CACNA1E: variants seen among roughly 807,000 people sequenced by gnomAD.
CACNA1E encodes calcium voltage-gated channel subunit alpha1 E, also known as voltage-dependent R-type calcium channel subunit alpha-1E.
A neutral mutation model predicts 259.2 loss-of-function variants in CACNA1E; 40 were observed. The ratio of observed to expected loss-of-function variants is 0.15; its 90% CI spans 0.12 to 0.20. The LOEUF is 0.20. CACNA1E is among the 10% of genes least tolerant of loss of function. The pLI, the probability that CACNA1E is intolerant of heterozygous loss-of-function variation, is 1.00. For synonymous variants in CACNA1E, 1,104 were observed against 1,138.5 expected, an observed-to-expected ratio of 0.97 and a Z score of 0.61; for missense variants, 1,874 against 3,040.1, an observed-to-expected ratio of 0.62 and a Z score of 9.02.
chr1:181,607,341 G>T (rs1380964073), intron 6 of CACNA1E, among the ~76,000 whole-genome samples: 1 of 152,196 alleles, frequency 6.6e-6, no homozygotes, highest in Non-Finnish European at 1.5e-5. Flanking sequence ...ACCAAATAAA[G>T]ATTGTTGCTT....
intron 6 of CACNA1E, among the ~76,000 whole-genome samples, chr1:181,609,025 A>C (rs1285492531): frequency 6.6e-6 from 1 of 152,204 alleles, no homozygotes; most frequent in African/African-American, 2.4e-5. Context: ...CTGGGCCCCC[A>C]GTATCCACAA....
chr1:181,620,726 A>G (rs905954803), intron 6 of CACNA1E, among the ~76,000 whole-genome samples: 15 of 152,250 alleles, frequency 9.9e-5, no homozygotes, highest in African/African-American at 3.6e-4. Context: ...GGTGCCAGAC[A>G]ACAGAGGCAT....
Position 181,726,058 on chromosome 1 carries a change from T to C in CACNA1E, c.2143-7T>C, listed in dbSNP as rs777911483. 6.2e-7 allele frequency: 1 copy of C among 1,606,574 alleles called. No homozygotes were observed. The highest frequency in any genetic ancestry group is 1.1e-5 in the South Asian group (1 of 89,890). ...CCCAGGCAAAGCCATCTCTGCTTTG[T>C]GTCTAGGATGAACAGGAGGAAGAAG... On this transcript the variant is annotated splice_polypyrimidine_tract_variant and splice_region_variant and intron_variant, in intron 17 of 47. Coordinates refer to ENST00000367573, the MANE Select transcript of CACNA1E (RefSeq NM_001205293.3).
chr1:181,628,534 C>T (rs776413810), intron 6 of CACNA1E, among the ~76,000 whole-genome samples: 3 of 152,102 alleles, frequency 2.0e-5, no homozygotes, highest in Non-Finnish European at 4.4e-5. Flanking sequence ...GTGTTGATGT[C>T]AAGATTAACT....
At position 181,473,541 on chromosome 1, in the gene CACNA1E, G is replaced by A. The variant is rs755117500; in HGVS notation, c.435-10203G>A. On this transcript the variant is annotated intron_variant, in intron 2 of 11. Coordinates refer to the CACNA1E transcript ENST00000524607. ...ACATTTGGTTTATCAGTAGCCCCAT[G>A]CGATTCAGAGGGCAGGTACTACTTT... Among the ~76,000 whole-genome samples the A allele has an allele frequency of 2.6e-4, 39 of 151,476 alleles. 1 individual carries two copies. The highest frequency in any genetic ancestry group is 5.3e-4 in the Non-Finnish European group (36 of 67,990).
chr1:181,565,206 C>A (rs1649698476), intron 3 of CACNA1E, among the ~76,000 whole-genome samples: 1 of 152,130 alleles, frequency 6.6e-6, no homozygotes, highest in Non-Finnish European at 1.5e-5. Flanking sequence ...ATGGAATAGG[C>A]AAGTGGGTTA....
At chr1:181,604,908 G>A (rs1414413051) in intron 6 of CACNA1E, among the ~76,000 whole-genome samples, 2 of 152,132 alleles carry the variant, frequency 1.3e-5, no homozygotes, top group Non-Finnish European at 2.9e-5. Flanking sequence ...TAGGACATGG[G>A]GAAGACAGTG....
chr1:181,416,516 A>G (rs1658287433), intron 2 of CACNA1E, among the ~76,000 whole-genome samples: 1 of 152,120 alleles, frequency 6.6e-6, no homozygotes, highest in Non-Finnish European at 1.5e-5. Context: ...TCACTAATAC[A>G]CTGTCTGGCA....
intron 27 of CACNA1E, among the ~76,000 whole-genome samples, chr1:181,753,416 C>T (rs1336709235): frequency 6.6e-6 from 1 of 152,190 alleles, no homozygotes; most frequent in African/African-American, 2.4e-5. Context: ...TTAAAAAGAA[C>T]CCACTTGAGT....
At chr1:181,326,339 G>A (rs1269055423) in intron 1 of CACNA1E, among the ~76,000 whole-genome samples, 1 of 152,172 alleles carries the variant, frequency 6.6e-6, no homozygotes, top group African/African-American at 2.4e-5. Flanking sequence ...TATTTCTGAC[G>A]ATATCTGTTA....
At chr1:181,749,065 A>G (rs1657361374) in intron 25 of CACNA1E, among the ~76,000 whole-genome samples, 1 of 152,228 alleles carries the variant, frequency 6.6e-6, no homozygotes, top group Admixed American at 6.5e-5. Flanking sequence ...GTCATGATTC[A>G]TTTGGCATTT....
At chr1:181,544,864 A>G (rs1647280074) in intron 3 of CACNA1E, among the ~76,000 whole-genome samples, 1 of 152,166 alleles carries the variant, frequency 6.6e-6, no homozygotes, top group Non-Finnish European at 1.5e-5. Context: ...TTCCCAGGGT[A>G]TGGCTGTTTG....
At chr1:181,549,832 C>T (rs1047809168) in intron 3 of CACNA1E, among the ~76,000 whole-genome samples, 5 of 152,112 alleles carry the variant, frequency 3.3e-5, no homozygotes, top group African/African-American at 4.8e-5. Flanking sequence ...CTGGAGTGGG[C>T]GTGGAGTGGA....
Position 181,796,845 on chromosome 1 carries a change from C to T in CACNA1E, c.6386C>T (p.Thr2129Met), listed in dbSNP as rs372939707. ...SRSPSEGRSQ[T>M]PNRQGTGSLS... is the part of the protein sequence containing the mutation. Reference sequence around the variant, plus strand: ...TCACCCAGTGAGGGCAGGTCACAGACGCCCAACAGACAGGTGAGCGCAGAG... The same window carrying T: ...TCACCCAGTGAGGGCAGGTCACAGATGCCCAACAGACAGGTGAGCGCAGAG... The change falls in exon 47 of 48, where the codon ACG (threonine) becomes ATG (methionine). Residue 2129 changes from threonine to methionine, a missense_variant. This residue lies in a region of CACNA1E where 542 missense variants were observed against 587.2 expected (regional missense o/e 0.92). Coordinates refer to ENST00000367573, the MANE Select transcript of CACNA1E (RefSeq NM_001205293.3). 30 of 1,598,412 alleles carry T rather than the reference C, an allele frequency of 1.9e-5. No individual in the cohort carries two copies. Among genetic ancestry groups the T allele is most frequent in the South Asian group, 1.0e-4 (9 of 88,444 alleles).
At chr1:181,467,557 T>G (rs1403307289) in intron 2 of CACNA1E, among the ~76,000 whole-genome samples, 1 of 152,182 alleles carries the variant, frequency 6.6e-6, no homozygotes, top group Non-Finnish European at 1.5e-5. Flanking sequence ...GGTTGTCCCT[T>G]CAGACTCTGC....
chr1:181,712,074 T>C (rs1653427610), intron 8 of CACNA1E, among the ~76,000 whole-genome samples: 1 of 152,204 alleles, frequency 6.6e-6, no homozygotes, highest in South Asian at 2.1e-4. Context: ...TCTTACCCTG[T>C]GACTCAACAT....
intron 6 of CACNA1E, among the ~76,000 whole-genome samples, chr1:181,585,517 T>C (rs1430991461): frequency 2.0e-5 from 3 of 152,162 alleles, no homozygotes; most frequent in Admixed American, 6.5e-5. Flanking sequence ...GGAAAATGCA[T>C]ATAGAACATA....
intron 1 of CACNA1E, among the ~76,000 whole-genome samples, chr1:181,394,446 A>C (rs572062083): frequency 6.6e-6 from 1 of 152,348 alleles, no homozygotes; most frequent in African/African-American, 2.4e-5. Context: ...TTTAGTGTTG[A>C]CTACATGCCA....
At chr1:181,467,956 C>T (rs548536792) in intron 2 of CACNA1E, among the ~76,000 whole-genome samples, 1 of 152,284 alleles carries the variant, frequency 6.6e-6, no homozygotes, top group East Asian at 1.9e-4. Context: ...TCCTACAGTG[C>T]AAGGGCATCC....
Sources: allele counts gnomAD v4.1 joint callset (sites outside exome capture counted in the v4.1 genomes callset), GRCh38; gene constraint gnomAD v4.1.1; regional missense constraint gnomAD v4.1.1; transcripts MANE v1.5; gene names NCBI Gene and HGNC (gene_info 2026-07-23, HGNC 2026-07-21).